The following GJB7 variants were observed in gnomAD, a reference collection of about 807,000 sequenced individuals.
GJB7 encodes gap junction protein beta 7, also known as gap junction beta-7 protein.
For missense variants in GJB7, 253 were observed against 256.8 expected (o/e 0.99, Z 0.10); for synonymous variants, 87 against 95.2 (o/e 0.91, Z 0.50).
At chr6:87,319,145 C>T (rs912569559) in intron 2 of GJB7, among the ~76,000 whole-genome samples, 1 of 152,152 alleles carries the variant, frequency 6.6e-6, no homozygotes, top group African/African-American at 2.4e-5. Flanking sequence ...TACAAAATCT[C>T]CTGGAAATAT....
intron 2 of GJB7, among the ~76,000 whole-genome samples, chr6:87,308,159 AG>A (rs903174857): frequency 6.6e-6 from 1 of 150,704 alleles, no homozygotes; most frequent in African/African-American, 2.4e-5. Context: ...TCTCACTTAT[AG>A]GTGGGAATTG....
intron 2 of GJB7, among the ~76,000 whole-genome samples, chr6:87,320,003 C>T (rs1211794462): frequency 1.3e-5 from 2 of 151,800 alleles, no homozygotes; most frequent in African/African-American, 4.8e-5. Context: ...TGATGGTTAC[C>T]AGAGGCTGGG....
At chr6:87,328,843 C>A (rs1039918712) in intron 1 of GJB7, among the ~76,000 whole-genome samples, 1 of 152,218 alleles carries the variant, frequency 6.6e-6, no homozygotes, top group African/African-American at 2.4e-5. Context: ...GGGCGCCCCT[C>A]CCCCAGCCTC....
intron 2 of GJB7, among the ~76,000 whole-genome samples, chr6:87,315,703 T>A (rs550052129): frequency 6.8e-6 from 1 of 146,912 alleles, no homozygotes; most frequent in African/African-American, 2.5e-5. Flanking sequence ...GGCTGAGGCA[T>A]GAGAATCACT....
intron 2 of GJB7, among the ~76,000 whole-genome samples, chr6:87,310,547 C>T (rs1013961476): frequency 6.6e-6 from 1 of 152,004 alleles, no homozygotes; most frequent in Non-Finnish European, 1.5e-5. Flanking sequence ...CATTGGGTAC[C>T]ATGTACACTG....
At chr6:87,301,229 G>A (rs1177525650) in intron 2 of GJB7, among the ~76,000 whole-genome samples, 1 of 152,124 alleles carries the variant, frequency 6.6e-6, no homozygotes, top group Non-Finnish European at 1.5e-5. Flanking sequence ...AGCAGGGTGA[G>A]GCATCGCCTC....
At chr6:87,291,743 T>G (rs1776177744) in intron 2 of GJB7, among the ~76,000 whole-genome samples, 2 of 152,202 alleles carry the variant, frequency 1.3e-5, no homozygotes, top group South Asian at 4.1e-4. Flanking sequence ...TTGCAATAAT[T>G]TGGATAACTT....
intron 2 of GJB7, among the ~76,000 whole-genome samples, chr6:87,292,465 T>C (rs1013578366): frequency 2.0e-5 from 3 of 152,228 alleles, no homozygotes; most frequent in Admixed American, 1.3e-4. Context: ...ATGTAATGTA[T>C]ACTATTATAA....
intron 2 of GJB7, chr6:87,299,369 T>G (rs916313712): frequency 4.1e-6 from 2 of 491,910 alleles, no homozygotes; most frequent in African/African-American, 3.9e-5. Flanking sequence ...GGAAAAACAC[T>G]GAATGATGAA....
intron 2 of GJB7, among the ~76,000 whole-genome samples, chr6:87,296,925 A>G (rs917939115): frequency 2.0e-5 from 3 of 152,248 alleles, no homozygotes; most frequent in Non-Finnish European, 4.4e-5. Context: ...ATATTTAAAT[A>G]CAAGGTAGAT....
intron 1 of GJB7, among the ~76,000 whole-genome samples, chr6:87,326,526 C>T (rs1312454006): frequency 2.0e-5 from 3 of 150,974 alleles, no homozygotes; most frequent in Non-Finnish European, 2.9e-5. Context: ...CGTTATGTAC[C>T]CAGTAGTCAT....
chr6:87,309,170 G>A (rs977514790), intron 2 of GJB7, among the ~76,000 whole-genome samples: 1 of 152,190 alleles, frequency 6.6e-6, no homozygotes, highest in Non-Finnish European at 1.5e-5. Context: ...TTGTTGGTGT[G>A]AAGCAGCAGC....
At chr6:87,317,002 A>G (rs1344299635) in intron 2 of GJB7, among the ~76,000 whole-genome samples, 1 of 151,938 alleles carries the variant, frequency 6.6e-6, no homozygotes, top group Non-Finnish European at 1.5e-5. Flanking sequence ...TGTTATATCC[A>G]GGCCAAACAA....
At position 87,300,544 on chromosome 6, in the gene GJB7, G is replaced by A. The variant is rs147621075; in HGVS notation, c.-27-15605C>T. On this transcript the variant is annotated intron_variant, in intron 2 of 2. Transcript: ENST00000525899. ...TCAGAGAAGTCAGTTGGAGAAAATG[G>A]CTGAAGGCTGATGTTTAAGAAAATC... is the stretch of plus-strand genomic sequence containing the variant. 2.9e-4 allele frequency: 48 copies of A among 163,842 alleles called. No individual in the cohort carries two copies. In the East Asian group the frequency reaches 7.1e-3, roughly 24 times the overall value. The allele number at this position is 163,842 out of a possible 1,614,324, so 10.1% of individuals were successfully genotyped here. A position where few individuals can be genotyped will look rare whatever the true frequency, so the allele number is the denominator to read the frequency against.
At chr6:87,309,840 G>GTGATC (rs1270692259) in intron 2 of GJB7, among the ~76,000 whole-genome samples, 1 of 152,148 alleles carries the variant, frequency 6.6e-6, no homozygotes, top group Non-Finnish European at 1.5e-5. Context: ...GCTGAAACTT[G>GTGATC]TGACTACTGG....
At chr6:87,298,880 C>A in intron 2 of GJB7, 4 of 396,372 alleles carry the variant, frequency 1.0e-5, no homozygotes, top group Non-Finnish European at 1.5e-5. Context: ...GATTCCCAAG[C>A]CTTACTGCTT....
intron 2 of GJB7, among the ~76,000 whole-genome samples, chr6:87,287,766 T>C (rs1776087255): frequency 6.6e-6 from 1 of 151,944 alleles, no homozygotes; most frequent in South Asian, 2.1e-4. Flanking sequence ...ATTTTAGAGG[T>C]AGGAGGAAGG....
intron 2 of GJB7, among the ~76,000 whole-genome samples, chr6:87,316,222 T>C (rs568875234): frequency 3.2e-4 from 48 of 152,346 alleles, no homozygotes; most frequent in African/African-American, 1.1e-3. Flanking sequence ...ACTCCTATGC[T>C]AGTCACTAGA....
At chr6:87,318,695 G>C (rs371043368) in intron 2 of GJB7, among the ~76,000 whole-genome samples, 1 of 152,164 alleles carries the variant, frequency 6.6e-6, no homozygotes, top group African/African-American at 2.4e-5. Context: ...ATGGATAAAG[G>C]TGGGGACACA....
Sources: gnomAD v4.1 joint callset for allele counts (sites outside exome capture counted in the v4.1 genomes callset) on GRCh38, gnomAD v4.1.1 for gene constraint, MANE v1.5 for transcripts, NCBI Gene and HGNC (gene_info 2026-07-23, HGNC 2026-07-21) for gene names.